The following RTN1 variants were observed in gnomAD, a reference collection of about 807,000 sequenced individuals.
RTN1 encodes the protein reticulon 1.
A neutral mutation model predicts 65.5 loss-of-function variants in RTN1; 25 were observed. The ratio of observed to expected loss-of-function variants is 0.38; its 90% CI spans 0.28 to 0.53. The LOEUF (loss-of-function observed/expected upper bound fraction) is 0.53, where lower values mean the gene tolerates loss of function less well. Ranked by LOEUF, RTN1 falls within the 20% of genes least tolerant of loss-of-function variation. The pLI, the probability that RTN1 is intolerant of heterozygous loss-of-function variation, is 0.79. For synonymous variants in RTN1, 471 were observed against 447.6 expected (o/e 1.05, Z -0.66); for missense variants, 983 against 1,025.4 (o/e 0.96, Z 0.57).
chr14:59,775,150 G>A (rs561069976), intron 1 of RTN1, among the ~76,000 whole-genome samples: 2 of 152,062 alleles, frequency 1.3e-5, no homozygotes, highest in Non-Finnish European at 2.9e-5. Context: ...GAGTTAAGAG[G>A]GGAGTATCTC....
intron 3 of RTN1, among the ~76,000 whole-genome samples, chr14:59,659,338 T>C (rs936141578): frequency 6.6e-5 from 10 of 152,146 alleles, no homozygotes; most frequent in African/African-American, 1.7e-4. Context: ...CCAGGAGATC[T>C]TCCTCAACCT....
At position 59,870,321 on chromosome 14, in the gene RTN1, C is replaced by T. The variant is rs554154586; in HGVS notation, c.241+69G>A. ...GCGAGGCAGGTGCCCAGGAGAGCCG[C>T]GCAGAAGGGGACTGACTGGGGGGCC... On this transcript the variant is annotated intron_variant, in intron 1 of 8. Coordinates refer to ENST00000267484, the MANE Select transcript of RTN1 (RefSeq NM_021136.3). This position sits in a 1 kb window ranked among gnomAD's most constrained non-coding sequence, Gnocchi z 5.1. 56 of 1,363,698 alleles carry T rather than the reference C, an allele frequency of 4.1e-5. 1 individual carries two copies. In the African/African-American group the frequency reaches 7.8e-4, roughly 19 times the overall value. The allele number at this position is 1,363,698 out of a possible 1,614,324, so 84.5% of individuals were successfully genotyped here. A position where few individuals can be genotyped will look rare whatever the true frequency, so the allele number is the denominator to read the frequency against.
At chr14:59,784,817 C>T (rs1886223932) in intron 1 of RTN1, among the ~76,000 whole-genome samples, 1 of 152,114 alleles carries the variant, frequency 6.6e-6, no homozygotes, top group Non-Finnish European at 1.5e-5. Flanking sequence ...TAATTAACGA[C>T]ACTTTTGCTT....
chr14:59,620,049 G>A (rs912984906), intron 3 of RTN1, among the ~76,000 whole-genome samples: 1 of 151,246 alleles, frequency 6.6e-6, no homozygotes, highest in South Asian at 2.1e-4. Flanking sequence ...TAGAGGGAAG[G>A]GAGGGGTGAA....
chr14:59,750,034 C>CAT (rs368016723), intron 1 of RTN1, among the ~76,000 whole-genome samples: 24,725 of 60,988 alleles, frequency 0.41, 4,970 homozygotes, highest in African/African-American at 0.56. Context: ...ATATTATATA[C>CAT]ATATATTATA....
chr14:59,607,263 G>A (rs369539243), intron 4 of RTN1, 22 bp downstream of exon 4: 2 of 1,607,364 alleles, frequency 1.2e-6, no homozygotes, highest in African/African-American at 2.7e-5. Flanking sequence ...GTGGGTGAGG[G>A]CTCCTCAGCT....
At chr14:59,663,303 C>T (rs1437493481) in intron 3 of RTN1, among the ~76,000 whole-genome samples, 2 of 151,982 alleles carry the variant, frequency 1.3e-5, no homozygotes, top group African/African-American at 4.8e-5. Context: ...GACCTAAAAC[C>T]ATGAAAACAC....
intron 3 of RTN1, among the ~76,000 whole-genome samples, chr14:59,669,387 T>C (rs1159664297): frequency 6.6e-6 from 1 of 151,622 alleles, no homozygotes; most frequent in Admixed American, 6.6e-5. Flanking sequence ...TTCTCACTCA[T>C]AGATGGGAAT....
chr14:59,655,864 G>A (rs541768624), intron 3 of RTN1, among the ~76,000 whole-genome samples: 54 of 152,198 alleles, frequency 3.5e-4, no homozygotes, highest in Non-Finnish European at 7.1e-4. Context: ...CCAAATATAA[G>A]ACATAAAACT....
At chr14:59,658,665 A>C (rs969757310) in intron 3 of RTN1, among the ~76,000 whole-genome samples, 2 of 152,218 alleles carry the variant, frequency 1.3e-5, no homozygotes, top group Non-Finnish European at 2.9e-5. Context: ...GGAAGCTAAC[A>C]AACAGAAAAG....
chr14:59,768,273 G>A (rs1044153883), intron 1 of RTN1, among the ~76,000 whole-genome samples: 8 of 152,180 alleles, frequency 5.3e-5, no homozygotes, highest in Non-Finnish European at 7.4e-5. Context: ...AGTACAACTT[G>A]ATAAGTGTTT....
chr14:59,597,100 T>C (rs1881424769), intron 8 of RTN1, among the ~76,000 whole-genome samples: 1 of 152,148 alleles, frequency 6.6e-6, no homozygotes, highest in Non-Finnish European at 1.5e-5. Flanking sequence ...TGATTATTTA[T>C]CCCCCATCTG....
intron 1 of RTN1, among the ~76,000 whole-genome samples, chr14:59,806,894 T>A (rs567038683): frequency 6.6e-6 from 1 of 152,260 alleles, no homozygotes; most frequent in Admixed American, 6.5e-5. Context: ...TGGTTCCTTG[T>A]CTTTGCTATT....
intron 1 of RTN1, among the ~76,000 whole-genome samples, chr14:59,850,053 T>A (rs1194104835): frequency 6.6e-6 from 1 of 152,126 alleles, no homozygotes; most frequent in African/African-American, 2.4e-5. Flanking sequence ...CACCCTCACT[T>A]CTGCTTCTGG....
At chr14:59,631,173 A>C (rs1882545458) in intron 3 of RTN1, among the ~76,000 whole-genome samples, 2 of 152,240 alleles carry the variant, frequency 1.3e-5, no homozygotes. Context: ...ACAGATATCC[A>C]AAACCTTTGT....
At chr14:59,751,660 G>A (rs1247352328) in intron 1 of RTN1, among the ~76,000 whole-genome samples, 1 of 152,152 alleles carries the variant, frequency 6.6e-6, no homozygotes, top group Non-Finnish European at 1.5e-5. Context: ...CTGTATCTCA[G>A]TCATTATCAT....
chr14:59,778,426 G>C (rs765492823), intron 1 of RTN1, among the ~76,000 whole-genome samples: 12 of 152,146 alleles, frequency 7.9e-5, no homozygotes, highest in Non-Finnish European at 1.3e-4. Flanking sequence ...AGCACTATTT[G>C]CTGGGCTAAA....
intron 3 of RTN1, among the ~76,000 whole-genome samples, chr14:59,726,600 C>T (rs891636667): frequency 6.6e-6 from 1 of 152,136 alleles, no homozygotes; most frequent in Admixed American, 6.5e-5. Context: ...GGGGAGGAAA[C>T]CCAGCCCTGG....
At chr14:59,768,366 A>G (rs1248366088) in intron 1 of RTN1, among the ~76,000 whole-genome samples, 1 of 152,190 alleles carries the variant, frequency 6.6e-6, no homozygotes, top group Admixed American at 6.5e-5. Context: ...TTATCTTTTA[A>G]GATAGCTCTT....
Sources: gnomAD v4.1 joint callset for allele counts (sites outside exome capture counted in the v4.1 genomes callset) on GRCh38, gnomAD v4.1.1 for gene constraint, Gnocchi (gnomAD v3.1) non-coding constraint, MANE v1.5 for transcripts, NCBI Gene and HGNC (gene_info 2026-07-23, HGNC 2026-07-21) for gene names.